Variants in IQCH observed in about 807,000 individuals in gnomAD.
IQCH encodes the protein IQ domain-containing protein H.
In IQCH, 98 loss-of-function variants were observed where a neutral mutation model predicts 117.0. The ratio of observed to expected loss-of-function variants is 0.84; its 90% CI spans 0.71 to 0.99. The LOEUF (loss-of-function observed/expected upper bound fraction) is 0.99. IQCH is among the 50% of genes least tolerant of loss of function. The pLI is 0.00. For missense variants in IQCH, 1,102 were observed against 1,243.8 expected (o/e 0.89, Z 1.72); for synonymous variants, 412 against 448.2 (o/e 0.92, Z 1.02).
chr15:67,362,312 T>C (rs191621108), intron 8 of IQCH, among the ~76,000 whole-genome samples: 3 of 152,194 alleles, frequency 2.0e-5, no homozygotes, highest in Admixed American at 2.0e-4. Context: ...AAAATCCAAA[T>C]TGAAGAAAAA....
intron 10 of IQCH, chr15:67,374,298 A>G (rs1372278325): frequency 6.6e-6 from 1 of 152,236 alleles, no homozygotes; most frequent in Non-Finnish European, 1.5e-5. Flanking sequence ...AGCACAACCC[A>G]TTGAATCTCT....
rs2082843420 is a variant in IQCH, at chr15:67,463,276, T to G, written c.2506-1851T>G. ...CCAACTTCCTACAGTGAAAATGCATTATGCTAATTACAGCATACTCCAGAA... is the reference window on the plus strand; with the variant it reads ...CCAACTTCCTACAGTGAAAATGCATGATGCTAATTACAGCATACTCCAGAA... On this transcript the variant is annotated intron_variant, in intron 16 of 20. Coordinates refer to ENST00000335894, the MANE Select transcript of IQCH (RefSeq NM_001031715.3). The surrounding 1 kb of genome is among the most constrained non-coding windows in gnomAD (Gnocchi z 4.0). Among the ~76,000 whole-genome samples, 1 of 152,236 alleles carries G rather than the reference T, an allele frequency of 6.6e-6. No individual in the cohort carries two copies. The highest frequency in any genetic ancestry group is 2.1e-4 in the South Asian group (1 of 4,836).
At chr15:67,338,515 T>A (rs1209476480) in intron 5 of IQCH, among the ~76,000 whole-genome samples, 2 of 151,974 alleles carry the variant, frequency 1.3e-5, no homozygotes, top group African/African-American at 2.4e-5. Context: ...GTGTCTATAT[T>A]TTTTTAGGTG....
rs757582780 is a variant in IQCH at position 67,372,388 on chromosome 15, C to G, written c.1031C>G (p.Ser344Ter). The change falls in exon 9 of 21, where the codon TCA (serine) becomes TGA (stop). Residue 344 changes from serine (S) to a stop codon, truncating the protein, a stop_gained. Coordinates refer to ENST00000335894, the MANE Select transcript of IQCH (RefSeq NM_001031715.3). LOFTEE classifies it high-confidence loss of function. ...TNKLTRYDLL[S>*]VLEDPAHVQM... ...AAACTTACCAGATATGACCTTCTCT[C>G]AGTGTTAGAGGACCCAGCTCATGTC... The G allele has an allele frequency of 1.2e-6, 2 of 1,614,136 alleles. No individual in the cohort carries two copies. The highest frequency in any genetic ancestry group is 1.1e-5 in the South Asian group (1 of 91,080).
intron 4 of IQCH, among the ~76,000 whole-genome samples, chr15:67,281,212 T>A (rs1429206640): frequency 2.0e-5 from 3 of 152,162 alleles, no homozygotes; most frequent in African/African-American, 7.2e-5. Context: ...GTAACTGTAT[T>A]AGTTTGTTCA....
At chr15:67,350,458 G>A (rs1167407630) in intron 6 of IQCH, among the ~76,000 whole-genome samples, 6 of 152,000 alleles carry the variant, frequency 3.9e-5, no homozygotes, top group African/African-American at 9.7e-5. Flanking sequence ...ATGGAGTCTC[G>A]CTCTGTTGCC....
intron 14 of IQCH, among the ~76,000 whole-genome samples, chr15:67,414,437 G>C (rs2081523820): frequency 6.6e-6 from 1 of 152,066 alleles, no homozygotes; most frequent in Non-Finnish European, 1.5e-5. Flanking sequence ...GTCAGCAAGG[G>C]GAGGCAGAGG....
chr15:67,487,485 A>G (rs1164825545), intron 18 of IQCH, among the ~76,000 whole-genome samples: 3 of 151,908 alleles, frequency 2.0e-5, no homozygotes, highest in African/African-American at 7.3e-5. Flanking sequence ...GTAATATTTT[A>G]GTGCAATATT....
In IQCH at chr15:67,421,458, C is replaced by A; in HGVS notation, c.2386C>A (p.Pro796Thr). ...GTTVPQTSVD[P>T]QVLTYLCLQI... ...CACCGTGCCTCAGACCTCAGTGGAT[C>A]CCCAAGTTCTCACTTATTTGTGCCT... Residue 796 changes from proline (P) to threonine (T), a missense_variant, in exon 16 of 21, where the codon CCC becomes ACC. Physicochemically the swap from Pro to Thr is conservative, Grantham distance 38. Coordinates refer to ENST00000335894, the MANE Select transcript of IQCH (RefSeq NM_001031715.3). 1 of 1,614,182 alleles carries A rather than the reference C, an allele frequency of 6.2e-7. No individual in the cohort carries two copies. The highest frequency in any genetic ancestry group is 8.5e-7 in the Non-Finnish European group (1 of 1,180,024).
chr15:67,266,732 A>G (rs1413228688), intron 3 of IQCH, among the ~76,000 whole-genome samples: 2 of 152,236 alleles, frequency 1.3e-5, no homozygotes, highest in Non-Finnish European at 2.9e-5. Flanking sequence ...GTATAAGTCC[A>G]TAATTTCAGT....
At position 67,388,469 on chromosome 15, in the gene IQCH, G is replaced by C. The variant is rs746779053; in HGVS notation, c.1457-362G>C. On this transcript the variant is annotated intron_variant, in intron 11 of 20. Transcript: ENST00000335894. The surrounding 1 kb of genome is among the most constrained non-coding windows in gnomAD (Gnocchi z 5.5). ...TAGCTCTGTTTTATAATTTACTGAA[G>C]TTAATGGAATAAATTTTTAAAGCAG... Among the ~76,000 whole-genome samples, 3 of 152,158 alleles carry C rather than the reference G, an allele frequency of 2.0e-5. No individual in the cohort carries two copies. The highest frequency in any genetic ancestry group is 2.9e-5 in the Non-Finnish European group (2 of 68,026).
chr15:67,367,410 G>A (rs1970372793), intron 8 of IQCH, among the ~76,000 whole-genome samples: 1 of 151,974 alleles, frequency 6.6e-6, no homozygotes, highest in African/African-American at 2.4e-5. Flanking sequence ...GTCATGACAT[G>A]TGCCAGTAGT....
Position 67,422,928 on chromosome 15 carries a change from G to A in IQCH, c.2505+1351G>A, listed in dbSNP as rs990323825. Reference sequence around the variant, plus strand: ...TCTCTCGATATCGCGATATCCTCTGGTCATCCGCATTGTACATATACTTTG... The same window carrying A: ...TCTCTCGATATCGCGATATCCTCTGATCATCCGCATTGTACATATACTTTG... On this transcript the variant is annotated intron_variant, in intron 16 of 20. Coordinates refer to ENST00000335894, the MANE Select transcript of IQCH (RefSeq NM_001031715.3). The surrounding 1 kb of genome is among the most constrained non-coding windows in gnomAD (Gnocchi z 4.7). 2.0e-5 allele frequency among the ~76,000 whole-genome samples: 3 copies of A among 152,110 alleles called. No homozygotes were observed. Among genetic ancestry groups the A allele is most frequent in the African/African-American group, 7.2e-5 (3 of 41,402 alleles).
chr15:67,429,450 T>C (rs1427472632), intron 16 of IQCH, among the ~76,000 whole-genome samples: 1 of 152,090 alleles, frequency 6.6e-6, no homozygotes, highest in East Asian at 1.9e-4. Flanking sequence ...CCTGGAAGAT[T>C]GAGGCTGCAG....
At chr15:67,301,315 A>G (rs985954038) in intron 4 of IQCH, among the ~76,000 whole-genome samples, 4 of 151,692 alleles carry the variant, frequency 2.6e-5, no homozygotes, top group Admixed American at 6.6e-5. Context: ...GTATTTTCCC[A>G]TACATCACTA....
chr15:67,375,154 A>C (rs1970694088), intron 10 of IQCH, among the ~76,000 whole-genome samples: 1 of 152,238 alleles, frequency 6.6e-6, no homozygotes, highest in Non-Finnish European at 1.5e-5. Flanking sequence ...TTAAAATTTC[A>C]AAAGGGCTTA....
In IQCH at chr15:67,458,027, C is replaced by T. The variant is rs184069199; in HGVS notation, c.2506-7100C>T. Among the ~76,000 whole-genome samples the T allele has an allele frequency of 1.3e-5, 2 of 152,306 alleles. No homozygotes were observed. The highest frequency in any genetic ancestry group is 3.9e-4 in the East Asian group (2 of 5,186). On this transcript the variant is annotated intron_variant, in intron 16 of 20. Coordinates refer to ENST00000335894, the MANE Select transcript of IQCH (RefSeq NM_001031715.3). This position sits in a 1 kb window ranked among gnomAD's most constrained non-coding sequence, Gnocchi z 4.1. ...CCAGGAGAATCTTGAGCCCCAGGCC[C>T]AGAAGTGAGAGCAGAGAAAAAGCTT...
chr15:67,340,535 A>AATAGTG (rs1285062480), intron 5 of IQCH, among the ~76,000 whole-genome samples: 2 of 150,096 alleles, frequency 1.3e-5, no homozygotes, highest in African/African-American at 2.4e-5. Flanking sequence ...GCCTTGGTTG[A>AATAGTG]ATAGTGATTT....
At chr15:67,455,344 G>A (rs2082634755) in intron 16 of IQCH, among the ~76,000 whole-genome samples, 2 of 152,138 alleles carry the variant, frequency 1.3e-5, no homozygotes, top group African/African-American at 2.4e-5. Context: ...CTGAACTCTG[G>A]TCTGAACTCT....
Sources: allele counts gnomAD v4.1 joint callset (sites outside exome capture counted in the v4.1 genomes callset), GRCh38; gene constraint gnomAD v4.1.1; non-coding constraint Gnocchi (gnomAD v3.1); transcripts MANE v1.5; gene names NCBI Gene and HGNC (gene_info 2026-07-23, HGNC 2026-07-21).